AFF1: variants seen among roughly 807,000 people sequenced by gnomAD.
AFF1 encodes AF4/FMR2 family member 1.
Under a neutral mutation model 121.7 loss-of-function variants are expected in AFF1, and 48 were observed. The ratio of observed to expected loss-of-function variants is 0.39; its 90% CI spans 0.31 to 0.50. AFF1 has a LOEUF of 0.50. AFF1 is among the 20% of genes least tolerant of loss of function. AFF1 has a pLI of 0.76. For missense variants in AFF1, 1,523 were observed against 1,511.7 expected (o/e 1.01, Z -0.12); for synonymous variants, 613 against 563.0 (o/e 1.09, Z -1.26).
chr4:87,007,169 G>T (rs572637200), intron 2 of AFF1: 12 of 1,343,866 alleles, frequency 8.9e-6, no homozygotes, highest in Non-Finnish European at 1.1e-5. Flanking sequence ...AGTGCAGATC[G>T]CCGCAGAGGC....
intron 4 of AFF1, among the ~76,000 whole-genome samples, chr4:87,073,001 T>C (rs186867614): frequency 6.6e-6 from 1 of 151,992 alleles, no homozygotes; most frequent in East Asian, 1.9e-4. Flanking sequence ...ACCAAATTTA[T>C]ATGCAGAGAT....
chr4:86,952,744 AGTGGC>A (rs1362501563), intron 2 of AFF1, among the ~76,000 whole-genome samples: 4 of 143,194 alleles, frequency 2.8e-5, no homozygotes. Flanking sequence ...GCTGGAGTGC[AGTGGC>A]GTGATCTTGG....
intron 8 of AFF1, among the ~76,000 whole-genome samples, chr4:87,097,528 G>A (rs911152140): frequency 4.6e-5 from 7 of 152,164 alleles, no homozygotes; most frequent in African/African-American, 1.4e-4. Context: ...CTTGTGACAC[G>A]TAGTGTTTGC....
At chr4:86,980,924 C>T (rs896756026) in intron 2 of AFF1, among the ~76,000 whole-genome samples, 2 of 149,990 alleles carry the variant, frequency 1.3e-5, no homozygotes, top group South Asian at 4.2e-4. Context: ...CCTATAATCC[C>T]AGCACTTTGC....
At chr4:86,951,158 G>A (rs1199034136) in intron 2 of AFF1, among the ~76,000 whole-genome samples, 1 of 152,140 alleles carries the variant, frequency 6.6e-6, no homozygotes, top group Non-Finnish European at 1.5e-5. Flanking sequence ...TTGTCATATA[G>A]CAATGCTCAG....
intron 2 of AFF1, among the ~76,000 whole-genome samples, chr4:86,970,900 TGAG>T (rs1722895121): frequency 1.3e-5 from 2 of 152,112 alleles, no homozygotes; most frequent in South Asian, 2.1e-4. Context: ...AGCAGAATGT[TGAG>T]GAGGGTGTTT....
At chr4:87,085,720 T>C (rs189333) in intron 5 of AFF1, among the ~76,000 whole-genome samples, 14,694 of 151,490 alleles carry the variant, frequency 0.097, 1,712 homozygotes, top group African/African-American at 0.28. Context: ...TAGGGTTTTC[T>C]GAGAAAGAAA....
chr4:86,944,250 T>C (rs1350399948), intron 1 of AFF1, among the ~76,000 whole-genome samples: 1 of 152,088 alleles, frequency 6.6e-6, no homozygotes, highest in Non-Finnish European at 1.5e-5. Context: ...TTATTGAATG[T>C]TTACCATGAG....
At chr4:87,020,910 A>C in intron 2 of AFF1, 1 of 860,942 alleles carries the variant, frequency 1.2e-6, no homozygotes, top group Non-Finnish European at 1.4e-6. Context: ...GATATTTCTT[A>C]AAAAGATGTG....
chr4:87,110,306 C>T (rs1010378591), intron 11 of AFF1, among the ~76,000 whole-genome samples: 2 of 151,988 alleles, frequency 1.3e-5, no homozygotes, highest in Admixed American at 1.3e-4. Flanking sequence ...GTGGGGTACC[C>T]ATCACCTCAA....
Position 87,138,490 on chromosome 4 carries a change from GGTGTGTGTGT to G in AFF1, c.*2812_*2821del, listed in dbSNP as rs35457894. Reference sequence around the variant, plus strand: ...GTAAATCTTGCCTTTGGCACTACAAGGTGTGTGTGTGTGTGTGTGTGTGTGTGTGTGTCTT... The same window carrying G: ...GTAAATCTTGCCTTTGGCACTACAAGGTGTGTGTGTGTGTGTGTGTGTCTT... On this transcript the variant is annotated 3_prime_UTR_variant, in exon 21 of 21. Transcript: ENST00000395146. 6.9e-3 allele frequency: 1,486 copies of G among 214,168 alleles called. No homozygotes were observed. Among genetic ancestry groups the G allele is most frequent in the Middle Eastern group, 0.026 (18 of 688 alleles). The allele number at this position is 214,168 out of a possible 1,614,324, so 13.3% of individuals were successfully genotyped here.
At chr4:86,993,561 G>T (rs937193732) in intron 2 of AFF1, among the ~76,000 whole-genome samples, 7 of 152,196 alleles carry the variant, frequency 4.6e-5, no homozygotes, top group Non-Finnish European at 1.0e-4. Context: ...GGTAGTAATT[G>T]TGGACACTTG....
At position 87,135,857 on chromosome 4, in the gene AFF1, G is replaced by T; in HGVS notation, c.*156G>T. 1 of 1,187,510 alleles carries T rather than the reference G, an allele frequency of 8.4e-7. No homozygotes were observed. Among genetic ancestry groups the T allele is most frequent in the Non-Finnish European group, 1.1e-6 (1 of 888,390 alleles). 73.6% of individuals were successfully genotyped at this position (1,187,510 alleles called of 1,614,324 possible). On this transcript the variant is annotated 3_prime_UTR_variant, in exon 21 of 21. Transcript: ENST00000395146. ...TTGTCCACTTAAACTCTCAACAACA[G>T]TGTGATCATTGGTTGGACACTGTGG...
intron 2 of AFF1, among the ~76,000 whole-genome samples, chr4:86,979,675 AT>A (rs1723578592): frequency 6.6e-6 from 1 of 152,208 alleles, no homozygotes; most frequent in African/African-American, 2.4e-5. Context: ...AAAAAGAGAG[AT>A]GCAAATGAAA....
rs199671084 is a variant in AFF1, at chr4:87,114,353, T to C, written c.1534-14T>C. The C allele has an allele frequency of 2.7e-3, 4,326 of 1,575,168 alleles. 10 individuals carry two copies. The highest frequency in any genetic ancestry group is 3.4e-3 in the Non-Finnish European group (3,959 of 1,167,906). The stretch of plus-strand genomic sequence containing the variant: ...ATGGTCAGTTAACACTTTTCTTTCT[T>C]TCCTTATTTTTAGCCTGAGCCTCCA... On this transcript the variant is annotated splice_polypyrimidine_tract_variant and intron_variant, in intron 11 of 20. Transcript: ENST00000395146.
intron 4 of AFF1, among the ~76,000 whole-genome samples, chr4:87,063,743 G>A (rs1721052714): frequency 6.6e-6 from 1 of 152,134 alleles, no homozygotes; most frequent in Non-Finnish European, 1.5e-5. Flanking sequence ...AATTAAATGG[G>A]ATATGTTTGC....
chr4:87,010,721 T>C (rs1378400504), intron 2 of AFF1, among the ~76,000 whole-genome samples: 1 of 152,158 alleles, frequency 6.6e-6, no homozygotes, highest in Non-Finnish European at 1.5e-5. Context: ...ACCCTCTCAT[T>C]GAAGCAGATC....
chr4:87,031,242 C>T (rs138412621), intron 2 of AFF1, among the ~76,000 whole-genome samples: 1 of 152,242 alleles, frequency 6.6e-6, no homozygotes, highest in African/African-American at 2.4e-5. Context: ...ATGATCACTC[C>T]CCTACAAACT....
chr4:86,971,125 A>G (rs951687408), intron 2 of AFF1, among the ~76,000 whole-genome samples: 2 of 152,160 alleles, frequency 1.3e-5, no homozygotes, highest in Non-Finnish European at 2.9e-5. Context: ...CTATCCTTGC[A>G]GTGGATGGGG....
Sources: allele counts gnomAD v4.1 joint callset (sites outside exome capture counted in the v4.1 genomes callset), GRCh38; gene constraint gnomAD v4.1.1; transcripts MANE v1.5; gene names NCBI Gene and HGNC (gene_info 2026-07-23, HGNC 2026-07-21).